Variants in SYT9 observed in about 807,000 individuals in gnomAD.
The protein encoded by SYT9 is synaptotagmin-9.
A neutral mutation model predicts 48.4 loss-of-function variants in SYT9; 22 were observed. The ratio of observed to expected loss-of-function variants is 0.45; its 90% CI spans 0.32 to 0.65. SYT9 has a LOEUF of 0.65. SYT9 is among the 30% of genes least tolerant of loss of function. The pLI is 0.03. For missense variants in SYT9, 577 were observed against 622.0 expected, an observed-to-expected ratio of 0.93 and a Z score of 0.77; for synonymous variants, 265 against 245.0, an observed-to-expected ratio of 1.08 and a Z score of -0.76.
At chr11:7,399,734 G>A (rs1427299977) in intron 3 of SYT9, among the ~76,000 whole-genome samples, 1 of 149,864 alleles carries the variant, frequency 6.7e-6, no homozygotes, top group East Asian at 1.9e-4. Flanking sequence ...CAGAATTGTT[G>A]CATTGGGATG....
At chr11:7,457,524 T>G (rs1035182669) in intron 6 of SYT9, 5 of 152,208 alleles carry the variant, frequency 3.3e-5, no homozygotes, top group African/African-American at 9.6e-5. Flanking sequence ...TTCAATTTCT[T>G]CTATCTTACA....
rs375976845 is a variant in SYT9 at position 7,418,078 on chromosome 11, C to T, written c.1287C>T (p.Pro429=). ...AAGCCATAGTCTTTGATGTCCCTCC[C>T]GAGAACATTGACCAAATCCACTTGT... The part of the protein sequence containing the change: ...YNEAIVFDVP[P]ENIDQIHLSI... The change falls in exon 5 of 7, where the codon CCC becomes CCT. Residue 429 remains proline, a synonymous_variant. Transcript: ENST00000318881. The T allele has an allele frequency of 8.1e-6, 13 of 1,614,102 alleles. No individual in the cohort carries two copies. The highest frequency in any genetic ancestry group is 1.6e-4 in the Middle Eastern group (1 of 6,062).
rs760024648 is a variant in SYT9, at chr11:7,252,289, T to G, written c.103T>G (p.Tyr35Asp). 19 of 1,513,898 alleles carry G rather than the reference T, an allele frequency of 1.3e-5. No homozygotes were observed. In the African/African-American group the frequency reaches 2.3e-4, roughly 18 times the overall value. 93.8% of individuals were successfully genotyped at this position (1,513,898 alleles called of 1,614,324 possible). A position where few individuals can be genotyped will look rare whatever the true frequency, so the allele number is the denominator to read the frequency against. ...LEHDSCQDFI[Y>D]HLRDRARPRL... Reference sequence around the variant, plus strand: ...GCACGACAGCTGCCAGGATTTCATTTACCACCTGCGGGACCGTGCCAGACC... The same window carrying G: ...GCACGACAGCTGCCAGGATTTCATTGACCACCTGCGGGACCGTGCCAGACC... Residue 35 changes from tyrosine (Y) to aspartate (D), a missense_variant, in exon 1 of 7, where the codon TAC (tyrosine) becomes GAC (aspartate). Physicochemically the swap from Tyr to Asp is radical, Grantham distance 160 (BLOSUM62 -3). Transcript: ENST00000318881. The surrounding 1 kb of genome is among the most constrained non-coding windows in gnomAD (Gnocchi z 6.3).
At chr11:7,410,916 G>T (rs551337677) in intron 3 of SYT9, among the ~76,000 whole-genome samples, 1 of 151,870 alleles carries the variant, frequency 6.6e-6, no homozygotes, top group East Asian at 1.9e-4. Context: ...GCGCAATGGC[G>T]CAGTCCCAGC....
chr11:7,449,013 C>CA (rs1847990066), intron 6 of SYT9, among the ~76,000 whole-genome samples: 1 of 152,014 alleles, frequency 6.6e-6, no homozygotes, highest in Admixed American at 6.6e-5. Flanking sequence ...AGCCAAGACT[C>CA]AGAGGGTTAT....
chr11:7,298,657 CT>C (rs10628508), intron 1 of SYT9, among the ~76,000 whole-genome samples: 1 of 150,414 alleles, frequency 6.6e-6, no homozygotes, highest in East Asian at 2.0e-4. Context: ...TACAGGTCCA[CT>C]TTTTTTTTAA....
chr11:7,259,612 TTG>T (rs1489803658), intron 1 of SYT9, among the ~76,000 whole-genome samples: 1 of 152,160 alleles, frequency 6.6e-6, no homozygotes, highest in African/African-American at 2.4e-5. Context: ...TTGTTTCAAT[TTG>T]TGTTTTTTTT....
intron 3 of SYT9, among the ~76,000 whole-genome samples, chr11:7,342,483 A>G (rs1047169422): frequency 6.6e-6 from 1 of 152,212 alleles, no homozygotes; most frequent in Admixed American, 6.5e-5. Context: ...AAGCTCCAAT[A>G]TGATATCCTG....
upstream of SYT9, among the ~76,000 whole-genome samples, chr11:7,251,602 T>C (rs1325950938): frequency 6.6e-6 from 1 of 152,152 alleles, no homozygotes; most frequent in Non-Finnish European, 1.5e-5. Flanking sequence ...ACCTTCGCAC[T>C]AGGCATCCAA....
chr11:7,431,534 A>T (rs1847570669), intron 6 of SYT9, among the ~76,000 whole-genome samples: 1 of 152,256 alleles, frequency 6.6e-6, no homozygotes. Context: ...AAAGGGAGCC[A>T]GGTGCTAACA....
chr11:7,454,228 C>G (rs747799868), intron 6 of SYT9: 2 of 985,268 alleles, frequency 2.0e-6, no homozygotes, highest in Non-Finnish European at 2.4e-6. Context: ...CCCACCCTTT[C>G]TCTCTAGCCC....
At chr11:7,280,508 A>G (rs772448916) in intron 1 of SYT9, among the ~76,000 whole-genome samples, 23 of 152,208 alleles carry the variant, frequency 1.5e-4, no homozygotes, top group African/African-American at 5.3e-4. Flanking sequence ...CACACTTTTC[A>G]TCTGTTATTT....
chr11:7,399,702 T>C (rs1846842983), intron 3 of SYT9, among the ~76,000 whole-genome samples: 1 of 151,704 alleles, frequency 6.6e-6, no homozygotes, highest in African/African-American at 2.4e-5. Flanking sequence ...ACATCCTCTA[T>C]AGGAACAAAG....
chr11:7,373,106 C>T (rs1278413015), intron 3 of SYT9, among the ~76,000 whole-genome samples: 1 of 152,042 alleles, frequency 6.6e-6, no homozygotes, highest in Non-Finnish European at 1.5e-5. Flanking sequence ...GACGTGTATT[C>T]TTAATACTGA....
chr11:7,340,900 C>G (rs1298330421), intron 3 of SYT9, among the ~76,000 whole-genome samples: 1 of 152,222 alleles, frequency 6.6e-6, no homozygotes, highest in Non-Finnish European at 1.5e-5. Context: ...ACTCTGGCTA[C>G]TTTTTCACAG....
At chr11:7,269,641 C>T (rs58369347) in intron 1 of SYT9, among the ~76,000 whole-genome samples, 2,690 of 152,202 alleles carry the variant, frequency 0.018, 75 homozygotes, top group African/African-American at 0.061. Flanking sequence ...GAGACAAAAA[C>T]CTCACTTTCG....
intron 1 of SYT9, among the ~76,000 whole-genome samples, chr11:7,257,546 C>T (rs1433745180): frequency 6.6e-6 from 1 of 151,984 alleles, no homozygotes; most frequent in Non-Finnish European, 1.5e-5. Context: ...TGAAAAAAAT[C>T]TCCAAAATAA....
At chr11:7,401,140 T>A (rs994477100) in intron 3 of SYT9, among the ~76,000 whole-genome samples, 3 of 152,036 alleles carry the variant, frequency 2.0e-5, no homozygotes, top group African/African-American at 4.8e-5. Context: ...TAATGACATC[T>A]TTGCTTTCTC....
At chr11:7,361,026 T>C (rs182106101) in intron 3 of SYT9, among the ~76,000 whole-genome samples, 67 of 152,282 alleles carry the variant, frequency 4.4e-4, no homozygotes, top group Middle Eastern at 3.4e-3. Context: ...TAAAAGTTCC[T>C]AAAATACACA....
Sources: allele counts gnomAD v4.1 joint callset (sites outside exome capture counted in the v4.1 genomes callset), GRCh38; gene constraint gnomAD v4.1.1; non-coding constraint Gnocchi (gnomAD v3.1); transcripts MANE v1.5; gene names NCBI Gene and HGNC (gene_info 2026-07-23, HGNC 2026-07-21).